Variants in LGALS8 observed in about 807,000 individuals in gnomAD.
The protein encoded by LGALS8 is galectin-8.
LGALS8 carries 30 observed loss-of-function variants against 35.9 expected under a neutral mutation model. The ratio of observed to expected loss-of-function variants is 0.83; its 90% CI spans 0.62 to 1.13. The LOEUF is 1.13. LGALS8 is among the 50% of genes most tolerant of loss of function. The pLI is 0.00. For missense variants in LGALS8, 366 were observed against 388.7 expected, an observed-to-expected ratio of 0.94 and a Z score of 0.49; for synonymous variants, 138 against 136.1, an observed-to-expected ratio of 1.01 and a Z score of -0.10.
chr1:236,518,416 T>TC (rs1466961643), intron 1 of LGALS8: 1 of 152,104 alleles, frequency 6.6e-6, no homozygotes, highest in Non-Finnish European at 1.5e-5. Flanking sequence ...AGAAATGAAT[T>TC]CCTTTAGATT....
At chr1:236,546,144 T>G (rs1307104116) in intron 9 of LGALS8, among the ~76,000 whole-genome samples, 3 of 152,234 alleles carry the variant, frequency 2.0e-5, no homozygotes, top group Non-Finnish European at 4.4e-5. Flanking sequence ...ACTTCATAAT[T>G]CAAACCATAC....
intron 7 of LGALS8, 126 bp from the exon 8 acceptor site, chr1:236,543,434 G>C (rs757441692): frequency 6.4e-6 from 5 of 780,058 alleles, no homozygotes; most frequent in Admixed American, 2.0e-5. Flanking sequence ...AAGGCAGACT[G>C]TCTCTCCCCT....
chr1:236,536,867 C>G (rs75300743), intron 2 of LGALS8, among the ~76,000 whole-genome samples: 1 of 143,692 alleles, frequency 7.0e-6, no homozygotes. Context: ...TTTTTTTTTT[C>G]TGTTAGAATT....
rs1661620917 is a variant in LGALS8 at position 236,537,551 on chromosome 1, G to T, written c.100G>T (p.Val34Leu). 3 of 1,607,262 alleles carry T rather than the reference G, an allele frequency of 1.9e-6. No homozygotes were observed. The South Asian group carries it at 3.3e-5, about 18-fold the overall frequency. Residue 34 changes from valine to leucine, a missense_variant, in exon 3 of 10, where the codon GTG becomes TTG. Physicochemically the swap from Val to Leu is conservative, Grantham distance 32 (BLOSUM62 1). Transcript: ENST00000366584. ...TCAGCTGGATCCTGGAACTTTGATT[G>T]TGATACGTGGGCATGTTCCTAGTGA... Reference protein sequence around the residue: ...PDQLDPGTLIVIRGHVPSDAD... With the variant: ...PDQLDPGTLILIRGHVPSDAD...
chr1:236,532,792 C>T (rs1661222031), intron 2 of LGALS8, among the ~76,000 whole-genome samples: 1 of 152,072 alleles, frequency 6.6e-6, no homozygotes, highest in South Asian at 2.1e-4. Context: ...TGCAGTAAGC[C>T]GAGATCACGC....
chr1:236,543,717 C>A (rs1012111735), intron 8 of LGALS8, 69 bp downstream of exon 8: 5 of 1,086,964 alleles, frequency 4.6e-6, no homozygotes, highest in East Asian at 2.4e-5. Context: ...CACCCGTGAA[C>A]GGTCCTGTGA....
chr1:236,541,866 C>T (rs1259398341), intron 6 of LGALS8, among the ~76,000 whole-genome samples, 156 bp downstream of exon 6: 5 of 152,284 alleles, frequency 3.3e-5, no homozygotes, highest in East Asian at 1.9e-4. Flanking sequence ...GTGCCAGGCA[C>T]GCAGTAAGTT....
chr1:236,545,185 C>G (rs562176080), intron 9 of LGALS8: 37 of 254,754 alleles, frequency 1.5e-4, no homozygotes, highest in Non-Finnish European at 2.4e-4. Flanking sequence ...GGAATTTAAC[C>G]AGGAAGCTTG....
Position 236,552,186 on chromosome 1 carries a change from C to A in LGALS8, c.*4025C>A. 1.1e-6 allele frequency: 1 copy of A among 893,242 alleles called. No homozygotes were observed. Among genetic ancestry groups the A allele is most frequent in the South Asian group, 1.5e-5 (1 of 65,218 alleles). The allele number at this position is 893,242 out of a possible 1,614,324, so 55.3% of individuals were successfully genotyped here. On this transcript the variant is annotated 3_prime_UTR_variant, in exon 10 of 10. Coordinates refer to ENST00000366584, the MANE Select transcript of LGALS8 (RefSeq NM_201544.4). The stretch of plus-strand genomic sequence containing the variant: ...TCTTAAGAGCTGTACTGACTTGAGA[C>A]AAGCTCTAACTTTTTAAACATTAGT...
chr1:236,527,240 G>A (rs1165123865), intron 2 of LGALS8, among the ~76,000 whole-genome samples: 1 of 152,192 alleles, frequency 6.6e-6, no homozygotes, highest in Admixed American at 6.5e-5. Context: ...ACACAGAAAA[G>A]AAGATAATTT....
chr1:236,534,638 G>A (rs1661356211), intron 2 of LGALS8, among the ~76,000 whole-genome samples: 1 of 151,942 alleles, frequency 6.6e-6, no homozygotes, highest in South Asian at 2.1e-4. Context: ...AAGTAATGCA[G>A]GATCTTTTCT....
At chr1:236,542,045 G>A (rs1203708412) in intron 6 of LGALS8, among the ~76,000 whole-genome samples, 1 of 152,186 alleles carries the variant, frequency 6.6e-6, no homozygotes, top group Non-Finnish European at 1.5e-5. Flanking sequence ...TTCAACCCCT[G>A]GGAGAATAAC....
chr1:236,546,217 G>A (rs1662353525), intron 9 of LGALS8, among the ~76,000 whole-genome samples: 1 of 152,206 alleles, frequency 6.6e-6, no homozygotes. Flanking sequence ...AGGGATGGCT[G>A]GCTGAAGGAA....
intron 4 of LGALS8, among the ~76,000 whole-genome samples, chr1:236,539,607 G>C (rs1332320609): frequency 8.5e-6 from 1 of 117,342 alleles, no homozygotes; most frequent in Non-Finnish European, 2.0e-5. Context: ...GTGTACGGTT[G>C]AATTTGGTCC....
Position 236,549,236 on chromosome 1 carries a change from G to C in LGALS8, c.*1075G>C, listed in dbSNP as rs1662598731. 2.8e-6 allele frequency: 1 copy of C among 362,696 alleles called. No homozygotes were observed. The allele number at this position is 362,696 out of a possible 1,614,324, so 22.5% of individuals were successfully genotyped here. A position where few individuals can be genotyped will look rare whatever the true frequency, so the allele number is the denominator to read the frequency against. On this transcript the variant is annotated 3_prime_UTR_variant, in exon 10 of 10. Coordinates refer to ENST00000366584, the MANE Select transcript of LGALS8 (RefSeq NM_201544.4). The stretch of plus-strand genomic sequence containing the variant: ...AGATCAAAGCACTCTTCCACTTTAC[G>C]TGATTAAAATCAAACCTGTATCAGC...
chr1:236,520,073 C>T (rs530059526), upstream of LGALS8, among the ~76,000 whole-genome samples: 1 of 150,900 alleles, frequency 6.6e-6, no homozygotes. Context: ...TCTCATGCCT[C>T]AGCCTCCCGA....
At chr1:236,539,142 A>AG in intron 4 of LGALS8, 53 bp downstream of exon 4, 2 of 1,423,836 alleles carry the variant, frequency 1.4e-6, no homozygotes, top group Non-Finnish European at 2.0e-6. Context: ...AGGAGTGCAC[A>AG]GGGGTGCTTT....
rs74151924 is a variant in LGALS8 at position 236,537,509 on chromosome 1, G to C, written c.58G>C (p.Val20Leu). 400 of 1,596,100 alleles carry C rather than the reference G, an allele frequency of 2.5e-4. 1 individual carries two copies. The African/African-American group carries it at 4.9e-3, about 20-fold the overall frequency. ...TTTTTTTTCTTAGGTAATCCCGTTT[G>C]TTGGCACCATTCCTGATCAGCTGGA... ...NIIYNPVIPF[V>L]GTIPDQLDPG... Residue 20 changes from valine to leucine, a missense_variant, in exon 3 of 10, where the codon GTT becomes CTT. Coordinates refer to ENST00000366584, the MANE Select transcript of LGALS8 (RefSeq NM_201544.4).
At chr1:236,547,078 C>A (rs958585170) in intron 9 of LGALS8, among the ~76,000 whole-genome samples, 7 of 152,158 alleles carry the variant, frequency 4.6e-5, no homozygotes, top group Admixed American at 3.9e-4. Flanking sequence ...TCATTCTGGC[C>A]TCTCGGGGTG....
Sources: allele counts gnomAD v4.1 joint callset (sites outside exome capture counted in the v4.1 genomes callset), GRCh38; gene constraint gnomAD v4.1.1; transcripts MANE v1.5; gene names NCBI Gene and HGNC (gene_info 2026-07-23, HGNC 2026-07-21).